Variants in DMKN observed in about 807,000 individuals in gnomAD.
DMKN encodes epidermis-specific secreted protein SK30/SK89.
DMKN carries 58 observed loss-of-function variants against 67.6 expected under a neutral mutation model. The observed-to-expected ratio is 0.86, with a 90% CI of 0.69 to 1.07. DMKN has a LOEUF of 1.07. DMKN is among the 50% of genes least tolerant of loss of function. The pLI is 0.00. For synonymous variants in DMKN, 240 were observed against 232.3 expected (o/e 1.03, Z -0.30); for missense variants, 596 against 601.5 (o/e 0.99, Z 0.10).
At chr19:35,510,605 G>GC in intron 5 of DMKN, 1 of 1,451,402 alleles carries the variant, frequency 6.9e-7, no homozygotes, top group Non-Finnish European at 9.1e-7. Context: ...CCTGGGAGCG[G>GC]CCGTAGCTGC....
At chr19:35,507,988 G>T in intron 7 of DMKN, 1 of 567,862 alleles carries the variant, frequency 1.8e-6, no homozygotes. Flanking sequence ...TAGACTGGCT[G>T]GTCCCCTCTT....
chr19:35,513,324 AC>A lies in DMKN; in HGVS notation c.151del (p.Val51TrpfsTer41). 1 of 1,612,974 alleles carries A rather than the reference AC, an allele frequency of 6.2e-7. No homozygotes were observed. ...GGCCTCTTTGCCAATGGCCTTTCCCACCCCTTCGCTCAGGGCGTCTCCCAGG... is the reference window on the plus strand; with the variant it reads ...GGCCTCTTTGCCAATGGCCTTTCCCACCCTTCGCTCAGGGCGTCTCCCAGG... ...HGLGDALSEG[V>X]GKAIGKEAGG... On this transcript the variant is annotated frameshift_variant, in exon 1 of 16. Transcript: ENST00000339686. LOFTEE classifies it high-confidence loss of function.
intron 10 of DMKN, among the ~76,000 whole-genome samples, 172 bp from the exon 11 acceptor site, chr19:35,502,355 ATTGGTGATAAGAT>A (rs1176559566): frequency 5.3e-5 from 8 of 152,098 alleles, no homozygotes; most frequent in African/African-American, 9.6e-5. Flanking sequence ...TTGAGATGGT[ATTGGTGATAAGAT>A]TTGGTGATAA....
At chr19:35,511,354 G>T in intron 5 of DMKN, 57 bp downstream of exon 5, 2 of 1,599,890 alleles carry the variant, frequency 1.3e-6, no homozygotes, top group South Asian at 1.1e-5. Context: ...CCCTCTCCCG[G>T]CAGGGACCAC....
At chr19:35,505,864 AC>A (rs1175838247) in intron 8 of DMKN, 74 bp downstream of exon 8, 1 of 1,612,996 alleles carries the variant, frequency 6.2e-7, no homozygotes, top group East Asian at 2.2e-5. Flanking sequence ...TAGAAAGAGG[AC>A]CCCAGACTGT....
intron 14 of DMKN, 26 bp downstream of exon 14, chr19:35,498,848 G>C (rs768290760): frequency 6.2e-7 from 1 of 1,614,196 alleles, no homozygotes; most frequent in Non-Finnish European, 8.5e-7. Flanking sequence ...TCTCCAGCCA[G>C]ATGAAGATCA....
Position 35,498,716 on chromosome 19 carries a change from C to A in DMKN, c.1431G>T (p.Ter477TyrextTer78). 1 of 1,614,076 alleles carries A rather than the reference C, an allele frequency of 6.2e-7. No homozygotes were observed. Among genetic ancestry groups the A allele is most frequent in the Non-Finnish European group, 8.5e-7 (1 of 1,180,012 alleles). Residue 477 changes from the stop codon to tyrosine, a stop_lost and splice_region_variant, in exon 15 of 16, where the codon TAG (stop) becomes TAT (tyrosine). Transcript: ENST00000339686. The stretch of plus-strand genomic sequence containing the variant: ...TGGGTCGGCTCACTCTGACACTCAC[C>A]TACCAAAACTTCACCCACTGCAGCA... ...PGLLQWVKFW[*>Y] is the part of the protein sequence containing the mutation.
intron 12 of DMKN, 44 bp downstream of exon 12, chr19:35,500,489 G>A (rs1220625009): frequency 6.3e-7 from 1 of 1,595,118 alleles, no homozygotes; most frequent in African/African-American, 1.3e-5. Context: ...CAAGGCCAAG[G>A]GGGACCAAGG....
At chr19:35,500,323 A>T in intron 12 of DMKN, 1 of 1,539,494 alleles carries the variant, frequency 6.5e-7, no homozygotes, top group Non-Finnish European at 8.8e-7. Context: ...AGGGTAGGAG[A>T]CCAAGAAAAG....
Position 35,498,814 on chromosome 19 carries a change from C to A in DMKN, c.1384-51G>T, listed in dbSNP as rs781635477. The A allele has an allele frequency of 2.5e-6, 4 of 1,614,072 alleles. No homozygotes were observed. In the African/African-American group the frequency reaches 5.3e-5, roughly 22 times the overall value. On this transcript the variant is annotated intron_variant, in intron 14 of 15. Coordinates refer to ENST00000339686, the MANE Select transcript of DMKN (RefSeq NM_033317.5). ...TGGCCACCACAGGGTCCCTTCCATA[C>A]CCTCTGGCCTCAGGCCCCTTCTCTC...
chr19:35,501,890 G>A (rs761645631), intron 11 of DMKN: 77 of 1,580,890 alleles, frequency 4.9e-5, no homozygotes, highest in Admixed American at 1.5e-4. Flanking sequence ...GGCAGTGGCC[G>A]GCTTCATGTT....
intron 14 of DMKN, 24 bp downstream of exon 14, chr19:35,498,850 T>A (rs1300036469): frequency 6.2e-7 from 1 of 1,614,150 alleles, no homozygotes; most frequent in African/African-American, 1.3e-5. Context: ...TCCAGCCAGA[T>A]GAAGATCAGG....
At chr19:35,512,335 A>G (rs930835082) in intron 3 of DMKN, 86 bp downstream of exon 3, 1 of 1,539,000 alleles carries the variant, frequency 6.5e-7, no homozygotes, top group Admixed American at 1.9e-5. Context: ...CCACTCCCCC[A>G]TCTTGCTTTC....
chr19:35,505,885 G>A (rs996656395), intron 8 of DMKN, 54 bp downstream of exon 8: 2 of 1,613,974 alleles, frequency 1.2e-6, no homozygotes, highest in African/African-American at 1.3e-5. Flanking sequence ...TGGGGCCAAG[G>A]GCAGGGGTTG....
Position 35,499,112 on chromosome 19 carries a change from T to C in DMKN, c.1360-215A>G, listed in dbSNP as rs2067932558. The C allele has an allele frequency of 4.4e-6, 3 of 688,314 alleles. 1 individual carries two copies. Among genetic ancestry groups the C allele is most frequent in the Non-Finnish European group, 7.3e-6 (3 of 412,278 alleles). The allele number at this position is 688,314 out of a possible 1,614,324, so 42.6% of individuals were successfully genotyped here. A position where few individuals can be genotyped will look rare whatever the true frequency, so the allele number is the denominator to read the frequency against. On this transcript the variant is annotated intron_variant, in intron 13 of 15. Transcript: ENST00000339686. Reference sequence around the variant, plus strand: ...ACTTGATCCAAGATGATATTGAACATGGTTCCTGGGCACGTACTGACCAAG... The same window carrying C: ...ACTTGATCCAAGATGATATTGAACACGGTTCCTGGGCACGTACTGACCAAG...
intron 7 of DMKN, chr19:35,507,144 A>C (rs1446856689): frequency 4.0e-6 from 1 of 247,180 alleles, no homozygotes; most frequent in African/African-American, 2.3e-5. Context: ...CTCAAAGCTC[A>C]GTGACTTTCT....
chr19:35,511,531 G>A lies in DMKN; in HGVS notation c.798C>T (p.Gly266=). ...GSGSNGDNNN[G]SSSGGSSSGS... ...CACTGCTGCTGCCACCACTGCTGCT[G>A]CCATTGTTGTTGTCACCATTGCTGC... The change falls in exon 5 of 16, where the codon GGC becomes GGT. Residue 266 remains glycine (G), a synonymous_variant. Coordinates refer to ENST00000339686, the MANE Select transcript of DMKN (RefSeq NM_033317.5). 1.9e-6 allele frequency: 3 copies of A among 1,595,618 alleles called. No individual in the cohort carries two copies. The highest frequency in any genetic ancestry group is 1.1e-5 in the South Asian group (1 of 89,558).
chr19:35,509,994 A>C, intron 6 of DMKN, 33 bp from the exon 7 acceptor site: 2 of 1,613,658 alleles, frequency 1.2e-6, no homozygotes, highest in South Asian at 2.2e-5. Flanking sequence ...ACTTTCCCTC[A>C]GTCCCCTCCC....
rs1271558743 is a variant in DMKN at position 35,502,880 on chromosome 19, C to T, written c.1141G>A (p.Val381Ile). ...INWDAINKNQ[V>I]PPPSTRALLY... is the part of the protein sequence containing the mutation. Reference sequence around the variant, plus strand: ...AGGGCTCGGGTGCTGGGGGGCGGGACCTGGTTCTGTGGATGAAAGGCGGGG... The same window carrying T: ...AGGGCTCGGGTGCTGGGGGGCGGGATCTGGTTCTGTGGATGAAAGGCGGGG... Residue 381 changes from valine (V) to isoleucine (I), a missense_variant, in exon 10 of 16, where the codon GTC becomes ATC. Transcript: ENST00000339686. The T allele has an allele frequency of 6.2e-7, 1 of 1,613,740 alleles. No homozygotes were observed. The highest frequency in any genetic ancestry group is 8.5e-7 in the Non-Finnish European group (1 of 1,179,918).
Sources: gnomAD v4.1 joint callset for allele counts (sites outside exome capture counted in the v4.1 genomes callset) on GRCh38, gnomAD v4.1.1 for gene constraint, MANE v1.5 for transcripts, NCBI Gene and HGNC (gene_info 2026-07-23, HGNC 2026-07-21) for gene names.